EXOSC7: variants seen among roughly 807,000 people sequenced by gnomAD.
The protein encoded by EXOSC7 is exosome complex component RRP42.
EXOSC7 carries 25 observed loss-of-function variants against 34.3 expected under a neutral mutation model. The ratio of observed to expected loss-of-function variants is 0.73; its 90% CI spans 0.53 to 1.02. EXOSC7 has a LOEUF of 1.02. Among genes scored for constraint, EXOSC7 ranks in the 50% least tolerant of loss-of-function variants. The pLI is 0.00. For missense variants in EXOSC7, 370 were observed against 368.5 expected, an observed-to-expected ratio of 1.00 and a Z score of -0.03; for synonymous variants, 130 against 143.0, an observed-to-expected ratio of 0.91 and a Z score of 0.65.
intron 5 of EXOSC7, among the ~76,000 whole-genome samples, chr3:45,002,544 T>C (rs550254610): frequency 6.6e-6 from 1 of 152,316 alleles, no homozygotes; most frequent in South Asian, 2.1e-4. Flanking sequence ...CTAAATGCAG[T>C]CCCCTCATCC....
intron 1 of EXOSC7, among the ~76,000 whole-genome samples, chr3:44,982,329 T>G (rs1706294924): frequency 6.6e-6 from 1 of 152,190 alleles, no homozygotes; most frequent in African/African-American, 2.4e-5. Context: ...GTCCTGGCTG[T>G]TGGGGATGGA....
intron 3 of EXOSC7, 140 bp from the exon 4 acceptor site, chr3:44,996,947 A>G: frequency 1.2e-6 from 1 of 816,536 alleles, no homozygotes; most frequent in Non-Finnish European, 2.0e-6. Context: ...GGCAGATGCC[A>G]TCCTTTCCTC....
intron 1 of EXOSC7, among the ~76,000 whole-genome samples, chr3:44,988,524 C>G (rs1706481858): frequency 6.6e-6 from 1 of 152,198 alleles, no homozygotes; most frequent in Non-Finnish European, 1.5e-5. Flanking sequence ...CCACTCAGCT[C>G]TGCTTTTGTA....
chr3:45,009,458 C>T (rs1707144748), intron 7 of EXOSC7, among the ~76,000 whole-genome samples: 1 of 152,158 alleles, frequency 6.6e-6, no homozygotes, highest in South Asian at 2.1e-4. Context: ...TGTCCTCTCT[C>T]CCCACCCTCA....
At position 45,002,325 on chromosome 3, in the gene EXOSC7, GGATTA is replaced by G. The variant is rs201077767; in HGVS notation, c.491+720_491+724del. On this transcript the variant is annotated intron_variant, in intron 5 of 7. Transcript: ENST00000265564. ...AACAGAGGATCCTATTAAAAAACGA[GGATTA>G]GAAACTTCTAGGGATATAACCTAAG... The G allele has an allele frequency of 3.2e-3, 482 of 152,054 alleles. 2 individuals are homozygous for G. The highest frequency in any genetic ancestry group is 0.011 in the African/African-American group (456 of 41,460). The allele number at this position is 152,054 out of a possible 1,614,324, so 9.4% of individuals were successfully genotyped here. A position where few individuals can be genotyped will look rare whatever the true frequency, so the allele number is the denominator to read the frequency against.
At chr3:44,995,871 G>A (rs986659540) in intron 3 of EXOSC7, among the ~76,000 whole-genome samples, 1 of 152,192 alleles carries the variant, frequency 6.6e-6, no homozygotes, top group Non-Finnish European at 1.5e-5. Flanking sequence ...CAAATAGGGT[G>A]GGCACTGCCA....
At chr3:44,977,091 A>G (rs62242653) in intron 1 of EXOSC7, 91,498 of 152,084 alleles carry the variant, frequency 0.6, 28,312 homozygotes, top group East Asian at 0.89. Context: ...TTTGCCAATG[A>G]AGAACTAAGA....
At chr3:45,004,932 C>G (rs547479546) in intron 5 of EXOSC7, 1 of 183,312 alleles carries the variant, frequency 5.5e-6, no homozygotes, top group East Asian at 1.3e-4. Flanking sequence ...GTTGTCTACT[C>G]CAAGGTCATG....
At chr3:45,009,908 C>A (rs1388005921) in intron 7 of EXOSC7, among the ~76,000 whole-genome samples, 1 of 152,156 alleles carries the variant, frequency 6.6e-6, no homozygotes, top group African/African-American at 2.4e-5. Flanking sequence ...CACTTCCCAG[C>A]CTTTTAGATC....
intron 1 of EXOSC7, among the ~76,000 whole-genome samples, chr3:44,978,036 A>AC (rs1706161950): frequency 6.6e-6 from 1 of 152,248 alleles, no homozygotes. Flanking sequence ...CAGGGATGCC[A>AC]AAACATGGTT....
chr3:45,002,908 G>A (rs537503898), intron 5 of EXOSC7, among the ~76,000 whole-genome samples: 3 of 152,274 alleles, frequency 2.0e-5, no homozygotes, highest in South Asian at 2.1e-4. Flanking sequence ...GCTGGTGCTC[G>A]GGCCCTGTTG....
intron 1 of EXOSC7, 23 bp downstream of exon 1, chr3:44,976,357 G>T: frequency 6.4e-7 from 1 of 1,562,152 alleles, no homozygotes; most frequent in Non-Finnish European, 8.6e-7. Flanking sequence ...GCGGCGTTGG[G>T]TCGGCCGCCG....
chr3:44,986,301 A>G (rs1706413649), intron 1 of EXOSC7, among the ~76,000 whole-genome samples: 1 of 152,194 alleles, frequency 6.6e-6, no homozygotes, highest in African/African-American at 2.4e-5. Flanking sequence ...GCCCAGCAAG[A>G]AATTGAGCAC....
At chr3:45,004,572 T>G (rs1706980746) in intron 5 of EXOSC7, 2 of 151,288 alleles carry the variant, frequency 1.3e-5, no homozygotes, top group African/African-American at 2.4e-5. Flanking sequence ...TTTTTTTGTT[T>G]TTTTTTTTAA....
chr3:45,008,784 G>A (rs777743015), intron 7 of EXOSC7, among the ~76,000 whole-genome samples: 8 of 152,244 alleles, frequency 5.3e-5, no homozygotes, highest in East Asian at 1.9e-4. Context: ...GCAAGGGACT[G>A]TCAAACCTTG....
chr3:44,999,168 C>T (rs892687719), intron 4 of EXOSC7, among the ~76,000 whole-genome samples: 3 of 152,186 alleles, frequency 2.0e-5, no homozygotes, highest in Non-Finnish European at 4.4e-5. Flanking sequence ...TTAGGGAAGG[C>T]TTTTACAAAA....
chr3:44,988,294 GC>G (rs1706475124), intron 1 of EXOSC7, among the ~76,000 whole-genome samples: 1 of 152,192 alleles, frequency 6.6e-6, no homozygotes, highest in African/African-American at 2.4e-5. Context: ...ACTTTGAGCA[GC>G]AAAATAACTA....
At chr3:44,990,559 C>T (rs1348438075) in intron 3 of EXOSC7, among the ~76,000 whole-genome samples, 1 of 152,102 alleles carries the variant, frequency 6.6e-6, no homozygotes, top group Non-Finnish European at 1.5e-5. Context: ...CCCAAGACCA[C>T]CTCCACATTC....
At chr3:44,986,408 C>A (rs1474051085) in intron 1 of EXOSC7, among the ~76,000 whole-genome samples, 1 of 152,228 alleles carries the variant, frequency 6.6e-6, no homozygotes, top group East Asian at 1.9e-4. Context: ...ACCCGCTGAG[C>A]CCATGCCCAC....
Sources: gnomAD v4.1 joint callset for allele counts (sites outside exome capture counted in the v4.1 genomes callset) on GRCh38, gnomAD v4.1.1 for gene constraint, MANE v1.5 for transcripts, NCBI Gene and HGNC (gene_info 2026-07-23, HGNC 2026-07-21) for gene names.